TANC2: variants seen among roughly 807,000 people sequenced by gnomAD.
TANC2 encodes the protein protein TANC2.
A neutral mutation model predicts 210.5 loss-of-function variants in TANC2; 26 were observed. The observed-to-expected ratio is 0.12, with a 90% confidence interval of 0.09 to 0.17. The LOEUF (loss-of-function observed/expected upper bound fraction) is 0.17. TANC2 is among the 10% of genes least tolerant of loss of function. The pLI is 1.00. For synonymous variants in TANC2, 931 were observed against 967.1 expected (o/e 0.96, Z 0.69); for missense variants, 2,129 against 2,608.9 (o/e 0.82, Z 4.01).
At chr17:63,180,586 C>G (rs1031416081) in intron 5 of TANC2, among the ~76,000 whole-genome samples, 1 of 152,180 alleles carries the variant, frequency 6.6e-6, no homozygotes, top group Non-Finnish European at 1.5e-5. Context: ...CTCCTCCAAT[C>G]CATTACCCTC....
At chr17:63,337,487 T>C (rs2046072496) in intron 11 of TANC2, among the ~76,000 whole-genome samples, 1 of 152,058 alleles carries the variant, frequency 6.6e-6, no homozygotes. Context: ...ATAAAAACTA[T>C]CTTTTCCATT....
At chr17:63,294,334 C>T (rs757825194) in intron 9 of TANC2, among the ~76,000 whole-genome samples, 1 of 151,952 alleles carries the variant, frequency 6.6e-6, no homozygotes, top group Non-Finnish European at 1.5e-5. Context: ...AAAATTAGCC[C>T]GGCATGGTGG....
At chr17:63,256,252 T>C (rs1296781409) in intron 8 of TANC2, among the ~76,000 whole-genome samples, 1 of 152,194 alleles carries the variant, frequency 6.6e-6, no homozygotes. Context: ...ATTTTCCTCT[T>C]AATACTGCTT....
At chr17:62,973,030 A>ATT (rs113343539) in intron 1 of TANC2, among the ~76,000 whole-genome samples, 117 of 132,764 alleles carry the variant, frequency 8.8e-4, no homozygotes, top group African/African-American at 2.7e-3. Context: ...TAGTTGCCGC[A>ATT]TTTTTTTTTT....
At chr17:62,996,477 T>C (rs2143648464) in intron 1 of TANC2, among the ~76,000 whole-genome samples, 1 of 151,964 alleles carries the variant, frequency 6.6e-6, no homozygotes. Context: ...TTTCTGTCCG[T>C]CACTTCCCTT....
In TANC2 at chr17:63,224,915, G is replaced by A. The variant is rs543223850; in HGVS notation, c.770-12899G>A. Among the ~76,000 whole-genome samples, 3 of 152,260 alleles carry A rather than the reference G, an allele frequency of 2.0e-5. No homozygotes were observed. The East Asian group carries it at 5.8e-4, about 29-fold the overall frequency. On this transcript the variant is annotated intron_variant, in intron 7 of 27. Coordinates refer to ENST00000689528, the Ensembl canonical transcript of TANC2. ...GATCATCTCAGGCTGATTTCCTATA[G>A]GCCATCATCATATCCAGGTTTGAAG... is the stretch of plus-strand genomic sequence containing the variant.
At chr17:63,179,016 A>G (rs2040686931) in intron 5 of TANC2, among the ~76,000 whole-genome samples, 1 of 152,258 alleles carries the variant, frequency 6.6e-6, no homozygotes, top group Non-Finnish European at 1.5e-5. Flanking sequence ...GGCATCATCA[A>G]GAAAATAATG....
At chr17:63,319,301 C>T (rs542926164) in intron 11 of TANC2, among the ~76,000 whole-genome samples, 2 of 152,108 alleles carry the variant, frequency 1.3e-5, no homozygotes, top group South Asian at 2.1e-4. Flanking sequence ...TTAGAAAAAA[C>T]GTCTTCTAGT....
At chr17:62,982,986 C>CTA in intron 1 of TANC2, among the ~76,000 whole-genome samples, 1 of 152,228 alleles carries the variant, frequency 6.6e-6, no homozygotes, top group South Asian at 2.1e-4. Context: ...TTTCTTTTTC[C>CTA]TATTTCTGTG....
intron 2 of TANC2, among the ~76,000 whole-genome samples, chr17:63,065,150 T>C (rs903674633): frequency 6.6e-6 from 1 of 152,218 alleles, no homozygotes; most frequent in Non-Finnish European, 1.5e-5. Context: ...GGAGTATTTA[T>C]CTTTTTGTGC....
chr17:63,413,172 T>G (rs2048757171), intron 24 of TANC2: 1 of 212,030 alleles, frequency 4.7e-6, no homozygotes, highest in Non-Finnish European at 9.2e-6. Flanking sequence ...AAATCCAAAA[T>G]AAATTACCCT....
At chr17:62,990,360 C>A (rs1402517092) in intron 1 of TANC2, among the ~76,000 whole-genome samples, 1 of 152,048 alleles carries the variant, frequency 6.6e-6, no homozygotes, top group African/African-American at 2.4e-5. Context: ...CTCACTGCAG[C>A]CTTGACCTCA....
At chr17:63,312,424 G>A (rs919691089) in intron 9 of TANC2, among the ~76,000 whole-genome samples, 1 of 152,154 alleles carries the variant, frequency 6.6e-6, no homozygotes, top group Non-Finnish European at 1.5e-5. Context: ...GATCATGGAT[G>A]CAGCTAAAGG....
intron 9 of TANC2, among the ~76,000 whole-genome samples, chr17:63,303,448 T>TTCTGCTGAGAGG (rs1476716800): frequency 6.6e-6 from 1 of 152,236 alleles, no homozygotes; most frequent in Non-Finnish European, 1.5e-5. Flanking sequence ...CTTGTAGGGT[T>TTCTGCTGAGAGG]TCTGCTGAGA....
At chr17:63,426,843 T>C (rs2049156957) in exon 28 of TANC2, 1 of 152,244 alleles carries the variant, frequency 6.6e-6, no homozygotes, top group South Asian at 2.1e-4. Context: ...ATTTTTCTTT[T>C]GCTAATCGCT....
intron 6 of TANC2, among the ~76,000 whole-genome samples, chr17:63,197,238 C>T (rs1302808089): frequency 6.6e-6 from 1 of 151,912 alleles, no homozygotes; most frequent in Non-Finnish European, 1.5e-5. Flanking sequence ...GCCTCTCATA[C>T]CAGGTTGATA....
chr17:63,411,962 G>A (rs376513900), intron 22 of TANC2, 36 bp from the exon 23 acceptor site: 12 of 1,612,016 alleles, frequency 7.4e-6, no homozygotes, highest in Non-Finnish European at 7.6e-6. Context: ...GAGCCATTAC[G>A]CCTGTCCTAA....
intron 9 of TANC2, among the ~76,000 whole-genome samples, chr17:63,300,128 T>C (rs1310529207): frequency 1.3e-5 from 2 of 152,218 alleles, no homozygotes; most frequent in African/African-American, 4.8e-5. Context: ...CTCTGTTCTG[T>C]TCCATTGGTC....
chr17:63,141,546 A>G (rs1182581765), intron 4 of TANC2, among the ~76,000 whole-genome samples: 2 of 151,610 alleles, frequency 1.3e-5, no homozygotes, highest in East Asian at 3.9e-4. Context: ...AGCCTGGGTG[A>G]CAGAGCGAGA....
Sources: allele counts gnomAD v4.1 joint callset (sites outside exome capture counted in the v4.1 genomes callset), GRCh38; gene constraint gnomAD v4.1.1; transcripts MANE v1.5; gene names NCBI Gene and HGNC (gene_info 2026-07-23, HGNC 2026-07-21).